Variants in TRPC4AP observed in about 807,000 individuals in gnomAD.
The protein encoded by TRPC4AP is transient receptor potential cation channel subfamily C member 4 associated protein, also known as short transient receptor potential channel 4-associated protein.
In TRPC4AP, 45 loss-of-function variants were observed where a neutral mutation model predicts 99.0. The observed-to-expected ratio is 0.45, with a 90% CI of 0.36 to 0.58. The LOEUF is 0.58. Among genes scored for constraint, TRPC4AP ranks in the 20% least tolerant of loss-of-function variants. TRPC4AP has a pLI of 0.00. For synonymous variants in TRPC4AP, 408 were observed against 385.8 expected (o/e 1.06, Z -0.67); for missense variants, 879 against 985.3 (o/e 0.89, Z 1.44).
intron 1 of TRPC4AP, among the ~76,000 whole-genome samples, chr20:35,086,539 G>GTATATATA (rs1569158071): frequency 6.1e-5 from 1 of 16,268 alleles, no homozygotes; most frequent in Non-Finnish European, 1.1e-4. Context: ...GTGTGTGTGT[G>GTATATATA]TGTGTGTGTG....
Position 35,013,209 on chromosome 20 carries a change from C to T in TRPC4AP, c.1351-143G>A, listed in dbSNP as rs184404302. The T allele has an allele frequency of 3.2e-4, 223 of 705,038 alleles. 1 individual carries two copies. The African/African-American group carries it at 3.5e-3, about 11-fold the overall frequency. 43.7% of individuals were successfully genotyped at this position (705,038 alleles called of 1,614,324 possible). On this transcript the variant is annotated intron_variant, in intron 10 of 18. Transcript: ENST00000252015. ...GACTTTTCTTTAGTTAGAAAACCAT[C>T]TGTTCACTTCCACATCTGATCAACA...
At chr20:35,048,033 G>A (rs1350742222) in intron 6 of TRPC4AP, among the ~76,000 whole-genome samples, 1 of 151,858 alleles carries the variant, frequency 6.6e-6, no homozygotes, top group Non-Finnish European at 1.5e-5. Flanking sequence ...ACCAACATTT[G>A]CCCACTCTCT....
At chr20:35,047,849 G>A (rs924304093) in intron 6 of TRPC4AP, among the ~76,000 whole-genome samples, 1 of 152,126 alleles carries the variant, frequency 6.6e-6, no homozygotes, top group Non-Finnish European at 1.5e-5. Context: ...TCCAGGCACA[G>A]GTTATAGGTA....
chr20:35,090,180 T>TAA (rs11167256), intron 1 of TRPC4AP, among the ~76,000 whole-genome samples: 103,682 of 140,564 alleles, frequency 0.74, 38,246 homozygotes, highest in Middle Eastern at 0.81. Flanking sequence ...TGGAATAAAT[T>TAA]AAAAAAAAAA....
intron 8 of TRPC4AP, among the ~76,000 whole-genome samples, chr20:35,027,296 T>G (rs1340459856): frequency 6.6e-5 from 10 of 152,240 alleles, no homozygotes. Flanking sequence ...TTTGCTCCTA[T>G]GGAAACGATC....
chr20:35,020,406 GCCT>G (rs2082857804), intron 9 of TRPC4AP, among the ~76,000 whole-genome samples: 2 of 152,118 alleles, frequency 1.3e-5, no homozygotes, highest in Admixed American at 1.3e-4. Context: ...GTCCCGCGCT[GCCT>G]CACTGTTCCA....
In TRPC4AP at chr20:35,044,554, T is replaced by C. The variant is rs146773849; in HGVS notation, c.816A>G (p.Gln272=). The C allele has an allele frequency of 3.4e-5, 55 of 1,614,078 alleles. No individual in the cohort carries two copies. Among genetic ancestry groups the C allele is most frequent in the Non-Finnish European group, 4.2e-5 (50 of 1,180,042 alleles). Residue 272 remains glutamine (Q), a synonymous_variant, in exon 7 of 19, where the codon CAA becomes CAG. Transcript: ENST00000252015. Reference sequence around the variant, plus strand: ...GCCCCAAACTCAAGCTCTTCTTCTGTTGAGCATTTTTGGCAAGAAGCGTGT... The same window carrying C: ...GCCCCAAACTCAAGCTCTTCTTCTGCTGAGCATTTTTGGCAAGAAGCGTGT... The part of the protein sequence containing the change: ...DKHTLLAKNA[Q]QKKSLSLGPS...
intron 10 of TRPC4AP, among the ~76,000 whole-genome samples, chr20:35,013,875 T>A (rs1392102154): frequency 1.3e-5 from 2 of 152,210 alleles, no homozygotes; most frequent in African/African-American, 4.8e-5. Context: ...GGAGCCTGGC[T>A]CTGCCATGGT....
chr20:35,018,195 G>A (rs193200293), intron 9 of TRPC4AP, among the ~76,000 whole-genome samples: 10 of 152,348 alleles, frequency 6.6e-5, no homozygotes, highest in Non-Finnish European at 1.3e-4. Context: ...GCTGGGAAGA[G>A]AGGGGCCTTC....
intron 1 of TRPC4AP, among the ~76,000 whole-genome samples, chr20:35,084,320 A>T (rs6120827): frequency 0.77 from 117,034 of 151,604 alleles, 45,534 homozygotes; most frequent in Middle Eastern, 0.83. Flanking sequence ...GATGCATTAT[A>T]CCTGACTTCA....
At chr20:35,037,925 C>A (rs893288777) in intron 7 of TRPC4AP, among the ~76,000 whole-genome samples, 3 of 151,960 alleles carry the variant, frequency 2.0e-5, no homozygotes, top group African/African-American at 4.8e-5. Flanking sequence ...CACTCTATGA[C>A]ATTCACACAA....
At chr20:35,074,966 T>C (rs2084432168) in intron 2 of TRPC4AP, among the ~76,000 whole-genome samples, 1 of 152,246 alleles carries the variant, frequency 6.6e-6, no homozygotes, top group Non-Finnish European at 1.5e-5. Context: ...ACATACATAT[T>C]TAGGATAGTT....
At chr20:35,038,670 G>A (rs1360660165) in intron 7 of TRPC4AP, among the ~76,000 whole-genome samples, 1 of 152,090 alleles carries the variant, frequency 6.6e-6, no homozygotes, top group African/African-American at 2.4e-5. Context: ...ATTTTTCGAA[G>A]GACGTTTAAG....
chr20:35,028,518 T>C (rs1337170729), intron 8 of TRPC4AP, among the ~76,000 whole-genome samples: 1 of 152,238 alleles, frequency 6.6e-6, no homozygotes, highest in Admixed American at 6.5e-5. Flanking sequence ...CTCACCCCAC[T>C]GGGATTTGAG....
chr20:35,085,594 G>C (rs1392316550), intron 1 of TRPC4AP, among the ~76,000 whole-genome samples: 1 of 141,184 alleles, frequency 7.1e-6, no homozygotes, highest in South Asian at 2.2e-4. Context: ...CTGGGCAACA[G>C]AGCAAGACCC....
chr20:35,058,109 A>G (rs1451730536), intron 3 of TRPC4AP, among the ~76,000 whole-genome samples: 1 of 152,248 alleles, frequency 6.6e-6, no homozygotes, highest in Non-Finnish European at 1.5e-5. Flanking sequence ...TCAATCCATT[A>G]GAAAGATATA....
intron 8 of TRPC4AP, among the ~76,000 whole-genome samples, chr20:35,029,540 T>C (rs910148389): frequency 4.0e-5 from 6 of 151,830 alleles, no homozygotes; most frequent in African/African-American, 1.5e-4. Flanking sequence ...CCTCTATATC[T>C]CCTTTAGTGT....
Position 35,008,679 on chromosome 20 carries a change from G to A in TRPC4AP, c.1580C>T (p.Ala527Val). The A allele has an allele frequency of 6.2e-7, 1 of 1,613,932 alleles. No homozygotes were observed. Among genetic ancestry groups the A allele is most frequent in the Non-Finnish European group, 8.5e-7 (1 of 1,179,926 alleles). The stretch of plus-strand genomic sequence containing the variant: ...CCAGACTCACCTGAAAGACGACTCT[G>A]CTGGCTCCTTCTTCATGACCTGCAG... ...RLLQVMKKEP[A>V]ESSFRFWQAR... The change falls in exon 13 of 19, where the codon GCA becomes GTA. Residue 527 changes from alanine (A) to valine (V), a missense_variant. Coordinates refer to ENST00000252015, the MANE Select transcript of TRPC4AP (RefSeq NM_015638.3).
At chr20:35,003,306 G>A in intron 18 of TRPC4AP, 23 bp from the exon 19 acceptor site, 1 of 1,613,844 alleles carries the variant, frequency 6.2e-7, no homozygotes, top group Non-Finnish European at 8.5e-7. Context: ...GGAGGGGCTG[G>A]GGGGCGCCTG....
Sources: allele counts gnomAD v4.1 joint callset (sites outside exome capture counted in the v4.1 genomes callset), GRCh38; gene constraint gnomAD v4.1.1; transcripts MANE v1.5; gene names NCBI Gene and HGNC (gene_info 2026-07-23, HGNC 2026-07-21).